Variants in PRDM5 observed in about 807,000 individuals in gnomAD.
PRDM5 encodes the protein PR/SET domain 5, also known as PR domain zinc finger protein 5.
Under a neutral mutation model 81.2 loss-of-function variants are expected in PRDM5, and 56 were observed. That is an observed-to-expected ratio of 0.69 (90% CI 0.56 to 0.86). PRDM5 has a LOEUF of 0.86. Among genes scored for constraint, PRDM5 ranks in the 40% least tolerant of loss-of-function variants. PRDM5 has a pLI of 0.00. For missense variants in PRDM5, 697 were observed against 770.1 expected (o/e 0.91, Z 1.12); for synonymous variants, 267 against 256.4 (o/e 1.04, Z -0.39).
intron 8 of PRDM5, among the ~76,000 whole-genome samples, chr4:120,802,423 G>A (rs901248965): frequency 4.6e-5 from 7 of 152,200 alleles, no homozygotes; most frequent in Non-Finnish European, 1.5e-5. Context: ...GTGGGTGCCT[G>A]ACTCCCAAGT....
intron 11 of PRDM5, among the ~76,000 whole-genome samples, chr4:120,782,529 A>C (rs556404373): frequency 8.1e-4 from 124 of 152,268 alleles, no homozygotes; most frequent in Non-Finnish European, 1.6e-3. Context: ...AAATAGAATT[A>C]TCCCTCTCTA....
chr4:120,759,087 C>G (rs139093348), intron 13 of PRDM5, among the ~76,000 whole-genome samples: 223 of 151,346 alleles, frequency 1.5e-3, no homozygotes, highest in African/African-American at 5.1e-3. Context: ...GGCAGTTACT[C>G]TTATCACTGA....
At position 120,781,274 on chromosome 4, in the gene PRDM5, C is replaced by T. The variant is rs759022476; in HGVS notation, c.1312G>A (p.Asp438Asn). Residue 438 changes from aspartate (D) to asparagine (N), a missense_variant, in exon 12 of 16, where the codon GAT (aspartate) becomes AAT (asparagine). Coordinates refer to ENST00000264808, the MANE Select transcript of PRDM5 (RefSeq NM_018699.4). ...GTATCCTTCCTCTTAAAGGTAGCAT[C>T]GCAGTGATGGCACTTGAAAGTCCTC... ...SERTFKCHHCDATFKRKDTLN... is the reference protein window; with the variant it reads ...SERTFKCHHCNATFKRKDTLN... 8 of 1,613,186 alleles carry T rather than the reference C, an allele frequency of 5.0e-6. No individual in the cohort carries two copies. The highest frequency in any genetic ancestry group is 6.8e-6 in the Non-Finnish European group (8 of 1,179,442).
chr4:120,759,725 G>A (rs557907528), intron 13 of PRDM5, among the ~76,000 whole-genome samples: 1 of 152,250 alleles, frequency 6.6e-6, no homozygotes, highest in African/African-American at 2.4e-5. Context: ...TGTACAATGT[G>A]ATCCAACTTC....
chr4:120,847,148 T>C (rs1402637394), intron 3 of PRDM5, among the ~76,000 whole-genome samples: 1 of 152,162 alleles, frequency 6.6e-6, no homozygotes, highest in East Asian at 1.9e-4. Flanking sequence ...TGAAGACAGA[T>C]GTCTCAACCT....
rs56402218 is a variant in PRDM5 at position 120,781,479 on chromosome 4, T to C, written c.1283-176A>G. The stretch of plus-strand genomic sequence containing the variant: ...ATTATTTGCTAATTCACTGTGTGAC[T>C]AGGCAGAAGTCCTTTCATCTTACAT... On this transcript the variant is annotated intron_variant, in intron 11 of 15. Transcript: ENST00000264808. Among the ~76,000 whole-genome samples, 31,623 of 152,210 alleles carry C rather than the reference T, an allele frequency of 0.21. 3,771 individuals carry two copies. The highest frequency in any genetic ancestry group is 0.28 in the Non-Finnish European group (18,956 of 67,986).
chr4:120,854,397 G>A (rs72680438), intron 2 of PRDM5, among the ~76,000 whole-genome samples: 9,272 of 152,188 alleles, frequency 0.061, 450 homozygotes, highest in Middle Eastern at 0.17. Flanking sequence ...AAGGAAAGGA[G>A]TGAGTGATTA....
At chr4:120,891,867 C>T (rs1561630832) in intron 2 of PRDM5, among the ~76,000 whole-genome samples, 1 of 152,078 alleles carries the variant, frequency 6.6e-6, no homozygotes. Flanking sequence ...TGACCTCAAG[C>T]GATCCACCTG....
chr4:120,761,396 T>C (rs1351625833), intron 13 of PRDM5, among the ~76,000 whole-genome samples: 3 of 152,250 alleles, frequency 2.0e-5, no homozygotes, highest in Non-Finnish European at 2.9e-5. Context: ...CTAATAACAA[T>C]AGGAAAAAAA....
In PRDM5 at chr4:120,694,752, C is replaced by T; in HGVS notation, c.*359G>A. 3.9e-6 allele frequency: 1 copy of T among 256,830 alleles called. No homozygotes were observed. Among genetic ancestry groups the T allele is most frequent in the Non-Finnish European group, 7.7e-6 (1 of 129,750 alleles). 15.9% of individuals were successfully genotyped at this position (256,830 alleles called of 1,614,324 possible). A position where few individuals can be genotyped will look rare whatever the true frequency, so the allele number is the denominator to read the frequency against. On this transcript the variant is annotated 3_prime_UTR_variant, in exon 16 of 16. Coordinates refer to ENST00000264808, the MANE Select transcript of PRDM5 (RefSeq NM_018699.4). ...ACATACAGACACACAGACACACAGA[C>T]ACACAAAGAATAACAATAAAATAAA...
At chr4:120,890,816 G>A (rs1253321580) in intron 2 of PRDM5, among the ~76,000 whole-genome samples, 1 of 152,106 alleles carries the variant, frequency 6.6e-6, no homozygotes, top group Non-Finnish European at 1.5e-5. Flanking sequence ...TTTAAATGGG[G>A]TTGTTTGGTT....
intron 2 of PRDM5, among the ~76,000 whole-genome samples, chr4:120,906,636 A>C (rs981156959): frequency 2.0e-5 from 3 of 152,224 alleles, no homozygotes; most frequent in Non-Finnish European, 2.9e-5. Context: ...AACTAGGATG[A>C]AAATTCTCAT....
chr4:120,777,525 CATGGAGCCCCAACTAAAA>C (rs1334260838), intron 12 of PRDM5, among the ~76,000 whole-genome samples: 1 of 152,050 alleles, frequency 6.6e-6, no homozygotes, highest in Non-Finnish European at 1.5e-5. Context: ...TTTAAGCCCT[CATGGAGCCCCAACTAAAA>C]ATGATTAAAT....
chr4:120,778,801 T>C (rs1748574032), intron 12 of PRDM5, among the ~76,000 whole-genome samples: 1 of 152,164 alleles, frequency 6.6e-6, no homozygotes, highest in African/African-American at 2.4e-5. Context: ...ATATACAAAA[T>C]AGTTATTTAT....
intron 14 of PRDM5, among the ~76,000 whole-genome samples, chr4:120,745,964 C>T (rs1434832169): frequency 4.6e-4 from 69 of 150,486 alleles, no homozygotes; most frequent in African/African-American, 1.5e-3. Flanking sequence ...AAAAAGAGCC[C>T]GCATTTCCAA....
intron 2 of PRDM5, among the ~76,000 whole-genome samples, chr4:120,882,272 C>T (rs532136728): frequency 1.4e-4 from 21 of 152,246 alleles, no homozygotes; most frequent in African/African-American, 3.9e-4. Flanking sequence ...CTCAGCTTCC[C>T]GAGTAGATGG....
intron 14 of PRDM5, among the ~76,000 whole-genome samples, chr4:120,740,353 C>T (rs990192269): frequency 2.0e-5 from 3 of 152,158 alleles, no homozygotes; most frequent in African/African-American, 4.8e-5. Context: ...TAAATTTGTA[C>T]ATCTCTTCTT....
At position 120,695,179 on chromosome 4, in the gene PRDM5, T is replaced by C; in HGVS notation, c.1825A>G (p.Lys609Glu). 1 of 1,613,624 alleles carries C rather than the reference T, an allele frequency of 6.2e-7. No homozygotes were observed. Among genetic ancestry groups the C allele is most frequent in the Non-Finnish European group, 8.5e-7 (1 of 1,179,616 alleles). ...RPLAECQFCH[K>E]KFTRNDYLKV... ...AGGTAGTCATTCCTTGTAAACTTCT[T>C]ATGGCAAAACTGGCATTCTGCCAGG... Residue 609 changes from lysine (K) to glutamate (E), a missense_variant, in exon 16 of 16, where the codon AAG becomes GAG. Physicochemically the swap from Lys to Glu is moderately conservative, Grantham distance 56. This residue lies in a region of PRDM5 where 34 missense variants were observed against 28.1 expected (regional missense o/e 1.21). Transcript: ENST00000264808.
chr4:120,922,276 G>A (rs541636331), intron 1 of PRDM5, among the ~76,000 whole-genome samples: 1 of 152,094 alleles, frequency 6.6e-6, no homozygotes, highest in African/African-American at 2.4e-5. Flanking sequence ...TGGACCGGCC[G>A]GCAGCGGAGC....
Sources: allele counts gnomAD v4.1 joint callset (sites outside exome capture counted in the v4.1 genomes callset), GRCh38; gene constraint gnomAD v4.1.1; regional missense constraint gnomAD v4.1.1; transcripts MANE v1.5; gene names NCBI Gene and HGNC (gene_info 2026-07-23, HGNC 2026-07-21).